ANKRD28: variants seen among roughly 807,000 people sequenced by gnomAD.
ANKRD28 encodes serine/threonine-protein phosphatase 6 regulatory ankyrin repeat subunit A.
ANKRD28 carries 44 observed loss-of-function variants against 126.5 expected under a neutral mutation model. The ratio of observed to expected loss-of-function variants is 0.35; its 90% CI spans 0.27 to 0.45. The LOEUF (loss-of-function observed/expected upper bound fraction) is 0.45. Among genes scored for constraint, ANKRD28 ranks in the 20% least tolerant of loss-of-function variants. The pLI, the probability that ANKRD28 is intolerant of heterozygous loss-of-function variation, is 1.00. For synonymous variants in ANKRD28, 442 were observed against 468.5 expected, an observed-to-expected ratio of 0.94 and a Z score of 0.73; for missense variants, 1,110 against 1,316.6, an observed-to-expected ratio of 0.84 and a Z score of 2.43.
intron 18 of ANKRD28, 25 bp downstream of exon 18, chr3:15,689,994 A>C: frequency 1.3e-6 from 2 of 1,561,608 alleles, no homozygotes; most frequent in Non-Finnish European, 1.7e-6. Context: ...AGTTATAAAT[A>C]AATCAAGCAT....
Position 15,696,759 on chromosome 3 carries a change from G to A in ANKRD28, c.1548-514C>T, listed in dbSNP as rs1420973173. ...AGGACTAAGAAGAGGTATATAAACAGAGTAAAGTGGTAAGAAGGTATCCAT... is the reference window on the plus strand; with the variant it reads ...AGGACTAAGAAGAGGTATATAAACAAAGTAAAGTGGTAAGAAGGTATCCAT... On this transcript the variant is annotated intron_variant, in intron 14 of 27. Coordinates refer to ENST00000683139, the MANE Select transcript of ANKRD28 (RefSeq NM_001349278.2). Among the ~76,000 whole-genome samples the A allele has an allele frequency of 6.6e-5, 10 of 152,106 alleles. 1 individual carries two copies. The highest frequency in any genetic ancestry group is 5.9e-4 in the Admixed American group (9 of 15,270).
At chr3:15,704,628 C>T (rs1387013217) in intron 14 of ANKRD28, among the ~76,000 whole-genome samples, 1 of 152,044 alleles carries the variant, frequency 6.6e-6, no homozygotes, top group African/African-American at 2.4e-5. Flanking sequence ...TGAGTTATGC[C>T]TGATTCTCTT....
chr3:15,842,798 A>G (rs949163498), intron 1 of ANKRD28, among the ~76,000 whole-genome samples: 2 of 152,228 alleles, frequency 1.3e-5, no homozygotes, highest in African/African-American at 4.8e-5. Flanking sequence ...ATATATTAAT[A>G]TTTAAACTTG....
chr3:15,734,964 A>G (rs1353986432), intron 6 of ANKRD28, among the ~76,000 whole-genome samples: 1 of 152,188 alleles, frequency 6.6e-6, no homozygotes, highest in East Asian at 1.9e-4. Flanking sequence ...AAAAGTCTGT[A>G]TTCCAAGCCC....
chr3:15,850,727 T>C (rs2061634657), intron 1 of ANKRD28, among the ~76,000 whole-genome samples: 1 of 152,208 alleles, frequency 6.6e-6, no homozygotes, highest in African/African-American at 2.4e-5. Flanking sequence ...ATTTCTTCCA[T>C]CTCTATCCTT....
At position 15,812,592 on chromosome 3, in the gene ANKRD28, G is replaced by A. The variant is rs2060739388; in HGVS notation, c.28-17286C>T. 6.6e-6 allele frequency among the ~76,000 whole-genome samples: 1 copy of A among 152,126 alleles called. No homozygotes were observed. The highest frequency in any genetic ancestry group is 6.5e-5 in the Admixed American group (1 of 15,268). ...TATATTAAGTTGGCATTTCGTTGTTGTTTTTCTGTCTTGCTTACCAATTAT... is the reference window on the plus strand; with the variant it reads ...TATATTAAGTTGGCATTTCGTTGTTATTTTTCTGTCTTGCTTACCAATTAT... On this transcript the variant is annotated intron_variant, in intron 1 of 27. Transcript: ENST00000399451. This position sits in a 1 kb window ranked among gnomAD's most constrained non-coding sequence, Gnocchi z 4.1.
intron 2 of ANKRD28, 131 bp from the exon 3 acceptor site, chr3:15,766,443 C>T: frequency 3.2e-6 from 2 of 626,610 alleles, no homozygotes; most frequent in Non-Finnish European, 5.5e-6. Context: ...ACTTCTATAA[C>T]TCTAGCCTAG....
In ANKRD28 at chr3:15,843,462, T is replaced by C. The variant is rs1040901025; in HGVS notation, c.27+15915A>G. ...AATAGCGTCCATCCGGACACCAATATACAACAATATGTAGTGGCAGGAGGA... is the reference window on the plus strand; with the variant it reads ...AATAGCGTCCATCCGGACACCAATACACAACAATATGTAGTGGCAGGAGGA... On this transcript the variant is annotated intron_variant, in intron 1 of 27. Transcript: ENST00000399451. The surrounding 1 kb of genome is among the most constrained non-coding windows in gnomAD (Gnocchi z 5.2). Among the ~76,000 whole-genome samples, 11 of 151,870 alleles carry C rather than the reference T, an allele frequency of 7.2e-5. No homozygotes were observed. Among genetic ancestry groups the C allele is most frequent in the African/African-American group, 2.7e-4 (11 of 41,282 alleles).
At chr3:15,772,343 G>A (rs1449319658) in intron 2 of ANKRD28, among the ~76,000 whole-genome samples, 15 of 151,620 alleles carry the variant, frequency 9.9e-5, no homozygotes, top group Admixed American at 9.2e-4. Flanking sequence ...AACTAAGAGG[G>A]GATTATCAAT....
At chr3:15,743,690 T>C (rs545438336) in intron 4 of ANKRD28, among the ~76,000 whole-genome samples, 98 of 152,248 alleles carry the variant, frequency 6.4e-4, no homozygotes, top group African/African-American at 2.3e-3. Flanking sequence ...ATGCTACTCT[T>C]AAAGAATGAC....
intron 1 of ANKRD28, among the ~76,000 whole-genome samples, chr3:15,831,849 A>G (rs553368222): frequency 1.3e-5 from 2 of 152,322 alleles, no homozygotes; most frequent in East Asian, 3.9e-4. Context: ...AGCCTCTAAC[A>G]ATGATCTTTA....
At chr3:15,679,674 T>C (rs1216991742) in intron 21 of ANKRD28, 111 bp from the exon 22 acceptor site, 5 of 772,260 alleles carry the variant, frequency 6.5e-6, no homozygotes, top group Non-Finnish European at 1.1e-5. Flanking sequence ...CCTCATCCCA[T>C]CTCCCAGATC....
chr3:15,769,973 AG>A (rs2058919677), intron 2 of ANKRD28, among the ~76,000 whole-genome samples: 2 of 152,016 alleles, frequency 1.3e-5, no homozygotes, highest in Admixed American at 6.6e-5. Flanking sequence ...GGTCTGAGCA[AG>A]GAAGAGTACA....
chr3:15,673,220 A>G (rs2066562900), intron 27 of ANKRD28, among the ~76,000 whole-genome samples: 1 of 152,246 alleles, frequency 6.6e-6, no homozygotes, highest in African/African-American at 2.4e-5. Flanking sequence ...GACCCTCTTA[A>G]GTACTCTCAT....
At chr3:15,725,982 G>C (rs555685363) in intron 6 of ANKRD28, among the ~76,000 whole-genome samples, 15 of 152,312 alleles carry the variant, frequency 9.8e-5, no homozygotes, top group African/African-American at 3.1e-4. Flanking sequence ...AGTGGAGGTT[G>C]CAGTGAGCCA....
chr3:15,849,233 T>C (rs1365229307), intron 1 of ANKRD28, among the ~76,000 whole-genome samples: 1 of 152,212 alleles, frequency 6.6e-6, no homozygotes, highest in Non-Finnish European at 1.5e-5. Flanking sequence ...CCCAAATTGA[T>C]CTATTGATTC....
At chr3:15,818,196 C>T (rs1202256027) in intron 1 of ANKRD28, among the ~76,000 whole-genome samples, 1 of 152,120 alleles carries the variant, frequency 6.6e-6, no homozygotes, top group Non-Finnish European at 1.5e-5. Flanking sequence ...CCAAACATCT[C>T]AGGTAGTGCT....
intron 18 of ANKRD28, chr3:15,689,798 C>T: frequency 1.0e-5 from 5 of 484,078 alleles, no homozygotes; most frequent in Non-Finnish European, 1.8e-5. Flanking sequence ...ATTTAAGTTC[C>T]CTGAACACTG....
chr3:15,794,076 A>ATAC (rs2060160257), intron 2 of ANKRD28, among the ~76,000 whole-genome samples: 1 of 151,922 alleles, frequency 6.6e-6, no homozygotes, highest in Admixed American at 6.5e-5. Flanking sequence ...TCTCTAAATA[A>ATAC]ATACATACAT....
Sources: gnomAD v4.1 joint callset for allele counts (sites outside exome capture counted in the v4.1 genomes callset) on GRCh38, gnomAD v4.1.1 for gene constraint, Gnocchi (gnomAD v3.1) non-coding constraint, MANE v1.5 for transcripts, NCBI Gene and HGNC (gene_info 2026-07-23, HGNC 2026-07-21) for gene names.